SLC45A2: variants seen among roughly 807,000 people sequenced by gnomAD.
SLC45A2 encodes solute carrier family 45 member 2, also known as membrane-associated transporter protein.
Under a neutral mutation model 45.5 loss-of-function variants are expected in SLC45A2, and 36 were observed. The observed-to-expected ratio is 0.79, with a 90% CI of 0.61 to 1.04. The LOEUF is 1.04. Among genes scored for constraint, SLC45A2 ranks in the 50% least tolerant of loss-of-function variants. The probability of loss-of-function intolerance (pLI) is 0.00; values close to 1 mark genes in which losing one functional copy is unlikely to be tolerated. For synonymous variants in SLC45A2, 306 were observed against 269.3 expected (o/e 1.14, Z -1.33); for missense variants, 719 against 671.0 (o/e 1.07, Z -0.79).
At chr5:33,960,721 T>C (rs1391950915) in intron 3 of SLC45A2, among the ~76,000 whole-genome samples, 2 of 152,130 alleles carry the variant, frequency 1.3e-5, no homozygotes, top group Non-Finnish European at 2.9e-5. Flanking sequence ...AACTTACTCA[T>C]GTAACCAAAC....
chr5:33,952,726 G>T (rs1192099246), intron 4 of SLC45A2, among the ~76,000 whole-genome samples: 1 of 135,392 alleles, frequency 7.4e-6, no homozygotes, highest in African/African-American at 2.8e-5. Context: ...AAGTTTTAGG[G>T]TACATGTGCA....
chr5:33,946,635 C>T, intron 6 of SLC45A2: 1 of 1,008,564 alleles, frequency 9.9e-7, no homozygotes, highest in Non-Finnish European at 1.2e-6. Context: ...ATGATTCCAG[C>T]TTTCCTTCTC....
At chr5:33,949,897 T>C (rs529458413) in intron 5 of SLC45A2, among the ~76,000 whole-genome samples, 5 of 151,960 alleles carry the variant, frequency 3.3e-5, no homozygotes, top group African/African-American at 1.2e-4. Flanking sequence ...CTGACAAAGA[T>C]GAAGGTAGGG....
chr5:33,981,921 T>C (rs1753085861), intron 2 of SLC45A2, among the ~76,000 whole-genome samples: 1 of 152,224 alleles, frequency 6.6e-6, no homozygotes, highest in African/African-American at 2.4e-5. Context: ...GATGCTACAT[T>C]GCTGATGCTT....
At position 33,954,373 on chromosome 5, in the gene SLC45A2, A is replaced by G; in HGVS notation, c.1020T>C (p.Asp340=). 1 of 1,614,054 alleles carries G rather than the reference A, an allele frequency of 6.2e-7. No individual in the cohort carries two copies. Among genetic ancestry groups the G allele is most frequent in the Non-Finnish European group, 8.5e-7 (1 of 1,179,986 alleles). ...AFLSNMLFFT[D]FMGQIVYRGD... ...ACACGTTCATTACCTGGCCCATGAA[A>G]TCTGTGAAGAACAGCATGTTGGACA... The change falls in exon 4 of 7, where the codon GAT becomes GAC. Residue 340 remains aspartate, a synonymous_variant. Coordinates refer to ENST00000296589, the MANE Select transcript of SLC45A2 (RefSeq NM_016180.5).
chr5:33,953,146 G>C (rs558751657), intron 4 of SLC45A2, among the ~76,000 whole-genome samples: 5 of 149,504 alleles, frequency 3.3e-5, no homozygotes, highest in South Asian at 2.1e-4. Flanking sequence ...TAGTGCCGCA[G>C]TAAACATACG....
chr5:33,956,305 T>C (rs1364797598), intron 3 of SLC45A2, among the ~76,000 whole-genome samples: 2 of 152,090 alleles, frequency 1.3e-5, no homozygotes. Flanking sequence ...TCCTGAAACA[T>C]TTCTTCAAAA....
At chr5:33,969,814 A>C (rs1752728780) in intron 2 of SLC45A2, among the ~76,000 whole-genome samples, 1 of 152,140 alleles carries the variant, frequency 6.6e-6, no homozygotes, top group Non-Finnish European at 1.5e-5. Flanking sequence ...TCCAAGAGCA[A>C]GAAGATAGGT....
rs773022459 is a variant in SLC45A2 at position 33,947,208 on chromosome 5, C to T, written c.1323G>A (p.Val441=). 2.5e-6 allele frequency: 4 copies of T among 1,614,118 alleles called. No homozygotes were observed. The highest frequency in any genetic ancestry group is 1.7e-6 in the Non-Finnish European group (2 of 1,180,052). ...GGTACTCAGTAATGAGGTTAAAGGG[C>T]ACAGTGTACAGGGTGCTGGACATTA... ...FGVMSSTLYT[V]PFNLITEYHR... is the part of the protein sequence containing the mutation. Residue 441 remains valine (V), a synonymous_variant, in exon 6 of 7, where the codon GTG becomes GTA. Transcript: ENST00000296589.
intron 3 of SLC45A2, among the ~76,000 whole-genome samples, chr5:33,956,107 T>A (rs1005678252): frequency 6.6e-6 from 1 of 152,162 alleles, no homozygotes; most frequent in Non-Finnish European, 1.5e-5. Context: ...TGAAGAGGAC[T>A]GACAATTAAT....
At chr5:33,970,990 T>C in intron 2 of SLC45A2, 1 of 496,364 alleles carries the variant, frequency 2.0e-6, no homozygotes, top group South Asian at 1.5e-5. Context: ...ATGAAAAGTC[T>C]GAAAATGATC....
chr5:33,969,063 C>CTGTGTGTGTGTGTG (rs1400585496), intron 2 of SLC45A2, among the ~76,000 whole-genome samples: 5 of 62,854 alleles, frequency 8.0e-5, no homozygotes, highest in African/African-American at 2.8e-4. Flanking sequence ...CTCTCTCTCT[C>CTGTGTGTGTGTGTG]TCTGTGTGTG....
At chr5:33,962,901 T>C (rs1436490160) in intron 3 of SLC45A2, among the ~76,000 whole-genome samples, 1 of 152,208 alleles carries the variant, frequency 6.6e-6, no homozygotes, top group African/African-American at 2.4e-5. Flanking sequence ...TCCCTGAGGT[T>C]TTGGCATTCA....
chr5:33,944,824 C>T lies in SLC45A2; in HGVS notation c.1417G>A (p.Gly473Ser), dbSNP rs1265551870. Residue 473 changes from glycine (G) to serine (S), a missense_variant, in exon 7 of 7, where the codon GGC (glycine) becomes AGC (serine). Transcript: ENST00000296589. Reference protein sequence around the residue: ...GDPDNSVRGKGMDCATLTCMV... With the variant: ...GDPDNSVRGKSMDCATLTCMV... ...CATGTGAGGGTGGCGCAGTCCATGC[C>T]CTTCCCTCTCACGCTGTTGTCTGGG... is the stretch of plus-strand genomic sequence containing the variant. 46 of 1,614,122 alleles carry T rather than the reference C, an allele frequency of 2.8e-5. No individual in the cohort carries two copies. The highest frequency in any genetic ancestry group is 9.3e-5 in the African/African-American group (7 of 75,062).
At chr5:33,970,718 AT>A in intron 2 of SLC45A2, 1 of 179,020 alleles carries the variant, frequency 5.6e-6, no homozygotes, top group Admixed American at 5.9e-5. Context: ...TCTCACCAAT[AT>A]TTTTTGAGCA....
At chr5:33,981,034 T>C (rs1753058521) in intron 2 of SLC45A2, among the ~76,000 whole-genome samples, 1 of 150,042 alleles carries the variant, frequency 6.7e-6, no homozygotes, top group Non-Finnish European at 1.5e-5. Context: ...AGCACCCGAG[T>C]GAGGAGACAC....
Position 33,984,407 on chromosome 5 carries a change from G to A in SLC45A2, c.177C>T (p.Val59=). The change falls in exon 1 of 7, where the codon GTC becomes GTT. Residue 59 remains valine (V), a synonymous_variant. Coordinates refer to ENST00000296589, the MANE Select transcript of SLC45A2 (RefSeq NM_016180.5). ...TGCTGGGCAGACCTACGCTGAGCAG[G>A]ACTGGGGTCACATACGCTGCCTCCA... is the stretch of plus-strand genomic sequence containing the variant. The part of the protein sequence containing the change: ...YAVEAAYVTP[V]LLSVGLPSSL... 2 of 1,613,614 alleles carry A rather than the reference G, an allele frequency of 1.2e-6. No individual in the cohort carries two copies. Among genetic ancestry groups the A allele is most frequent in the Non-Finnish European group, 8.5e-7 (1 of 1,179,772 alleles).
At chr5:33,957,346 TA>T (rs1392329557) in intron 3 of SLC45A2, among the ~76,000 whole-genome samples, 1 of 152,180 alleles carries the variant, frequency 6.6e-6, no homozygotes, top group African/African-American at 2.4e-5. Flanking sequence ...TGTAACAGCA[TA>T]TTTTTTATAC....
intron 2 of SLC45A2, among the ~76,000 whole-genome samples, chr5:33,966,649 G>T (rs1752613776): frequency 6.6e-6 from 1 of 152,042 alleles, no homozygotes; most frequent in Non-Finnish European, 1.5e-5. Context: ...TCAGAGCTGG[G>T]TACTCAGAGT....
Sources: gnomAD v4.1 joint callset for allele counts (sites outside exome capture counted in the v4.1 genomes callset) on GRCh38, gnomAD v4.1.1 for gene constraint, MANE v1.5 for transcripts, NCBI Gene and HGNC (gene_info 2026-07-23, HGNC 2026-07-21) for gene names.